RAB3GAP2: variants seen among roughly 807,000 people sequenced by gnomAD.
The protein encoded by RAB3GAP2 is rab3 GTPase-activating protein non-catalytic subunit.
In RAB3GAP2, 87 loss-of-function variants were observed where a neutral mutation model predicts 185.3. That is an observed-to-expected ratio of 0.47 (90% CI 0.39 to 0.56). The LOEUF is 0.56. Among genes scored for constraint, RAB3GAP2 ranks in the 20% least tolerant of loss-of-function variants. The pLI is 0.00. For missense variants in RAB3GAP2, 1,492 were observed against 1,638.2 expected (o/e 0.91, Z 1.54); for synonymous variants, 554 against 576.1 (o/e 0.96, Z 0.55).
intron 31 of RAB3GAP2, 103 bp from the exon 32 acceptor site, chr1:220,154,160 A>G: frequency 6.7e-7 from 1 of 1,488,772 alleles, no homozygotes; most frequent in South Asian, 1.2e-5. Flanking sequence ...GTTGATTTTT[A>G]TTTCTCCTTG....
At chr1:220,272,050 G>A (rs1255700257) in intron 1 of RAB3GAP2, among the ~76,000 whole-genome samples, 173 bp downstream of exon 1, 1 of 151,792 alleles carries the variant, frequency 6.6e-6, no homozygotes, top group Non-Finnish European at 1.5e-5. Context: ...AACACAAATG[G>A]GGCTTCAGGA....
chr1:220,168,350 C>A (rs141575007), intron 24 of RAB3GAP2, among the ~76,000 whole-genome samples: 1 of 151,912 alleles, frequency 6.6e-6, no homozygotes, highest in South Asian at 2.1e-4. Context: ...CCTCAGCCCC[C>A]CAAAGTGCTA....
intron 4 of RAB3GAP2, 69 bp downstream of exon 4, chr1:220,212,818 C>T: frequency 7.9e-7 from 1 of 1,265,142 alleles, no homozygotes; most frequent in Non-Finnish European, 1.2e-6. Context: ...TTAATAGATT[C>T]ACCTACAAGT....
At chr1:220,259,976 CAT>C (rs1159023318) in intron 1 of RAB3GAP2, among the ~76,000 whole-genome samples, 6 of 152,124 alleles carry the variant, frequency 3.9e-5, no homozygotes, top group African/African-American at 1.4e-4. Context: ...AGCCAAAAAA[CAT>C]ATTGAAAAAA....
chr1:220,155,219 T>A (rs2102850852), intron 31 of RAB3GAP2, among the ~76,000 whole-genome samples: 1 of 152,328 alleles, frequency 6.6e-6, no homozygotes, highest in South Asian at 2.1e-4. Flanking sequence ...GCTCACCACT[T>A]CCATCCAGGT....
At chr1:220,256,626 T>A (rs1327993383) in intron 1 of RAB3GAP2, among the ~76,000 whole-genome samples, 1 of 152,210 alleles carries the variant, frequency 6.6e-6, no homozygotes, top group African/African-American at 2.4e-5. Context: ...AAACAGACTT[T>A]ATGCCAACAA....
chr1:220,261,079 G>A (rs1326930315), intron 1 of RAB3GAP2, among the ~76,000 whole-genome samples: 1 of 150,524 alleles, frequency 6.6e-6, no homozygotes, highest in Non-Finnish European at 1.5e-5. Context: ...TTAAAAAAAA[G>A]GGGGGGCAAT....
At chr1:220,216,349 T>C (rs1659201724) in intron 2 of RAB3GAP2, among the ~76,000 whole-genome samples, 1 of 152,230 alleles carries the variant, frequency 6.6e-6, no homozygotes, top group African/African-American at 2.4e-5. Context: ...ATTAGAAAAT[T>C]ATCCCCCAAA....
At chr1:220,253,632 T>C in intron 1 of RAB3GAP2, 3 of 1,582,184 alleles carry the variant, frequency 1.9e-6, no homozygotes, top group South Asian at 1.1e-5. Context: ...TGTGCTTTCA[T>C]GGGCCTCTTC....
chr1:220,173,998 C>T (rs7411756), intron 21 of RAB3GAP2, among the ~76,000 whole-genome samples: 6 of 136,606 alleles, frequency 4.4e-5, no homozygotes, highest in African/African-American at 1.7e-4. Context: ...CTGGCCTGGG[C>T]TACAGAGCGA....
chr1:220,187,741 T>C (rs1012696922), intron 17 of RAB3GAP2, among the ~76,000 whole-genome samples: 6 of 152,012 alleles, frequency 3.9e-5, no homozygotes, highest in Non-Finnish European at 8.8e-5. Flanking sequence ...TATGATTTAC[T>C]CTATGCACCT....
chr1:220,189,846 T>C (rs1658580370), intron 16 of RAB3GAP2, 79 bp from the exon 17 acceptor site: 1 of 1,243,762 alleles, frequency 8.0e-7, no homozygotes, highest in Non-Finnish European at 1.1e-6. Flanking sequence ...AATGAACATA[T>C]CTGTACTATC....
intron 1 of RAB3GAP2, among the ~76,000 whole-genome samples, chr1:220,269,014 G>A (rs1660284368): frequency 6.6e-6 from 1 of 152,156 alleles, no homozygotes; most frequent in Non-Finnish European, 1.5e-5. Context: ...TGTGCCTAGA[G>A]GTTACCATAC....
chr1:220,149,314 C>T lies in RAB3GAP2; in HGVS notation c.*1937G>A, dbSNP rs1411013127. 1 of 152,144 alleles carries T rather than the reference C, an allele frequency of 6.6e-6. No homozygotes were observed. Among genetic ancestry groups the T allele is most frequent in the Non-Finnish European group, 1.5e-5 (1 of 68,024 alleles). 9.4% of individuals were successfully genotyped at this position (152,144 alleles called of 1,614,324 possible). ...TAGGATTCTGTGAGCCATACTTCAG[C>T]TTATTATTGTTCTCAGCAATCCCCA... On this transcript the variant is annotated 3_prime_UTR_variant, in exon 35 of 35. Coordinates refer to ENST00000358951, the MANE Select transcript of RAB3GAP2 (RefSeq NM_012414.4).
chr1:220,212,582 C>T (rs564927686), intron 4 of RAB3GAP2, among the ~76,000 whole-genome samples: 51 of 152,166 alleles, frequency 3.4e-4, no homozygotes, highest in Admixed American at 5.9e-4. Flanking sequence ...CAGCCTCAAA[C>T]TCCTGGGTTC....
intron 1 of RAB3GAP2, 73 bp downstream of exon 1, chr1:220,272,150 T>G: frequency 7.9e-7 from 1 of 1,264,398 alleles, no homozygotes; most frequent in Non-Finnish European, 1.1e-6. Flanking sequence ...GCAGAGCGAG[T>G]AGGAGACTCG....
In RAB3GAP2 at chr1:220,196,403, T is replaced by TA. The variant is rs35396665; in HGVS notation, c.812-6dup. ...AGGGGGACAGAGTCATAATACCTAATAAAAAAAAAAAAGTGATTTGAATGT... is the reference window on the plus strand; with the variant it reads ...AGGGGGACAGAGTCATAATACCTAATAAAAAAAAAAAAAGTGATTTGAATGT... On this transcript the variant is annotated splice_polypyrimidine_tract_variant and splice_region_variant and intron_variant, in intron 9 of 34. Coordinates refer to ENST00000358951, the MANE Select transcript of RAB3GAP2 (RefSeq NM_012414.4). The TA allele has an allele frequency of 0.04, 47,225 of 1,175,140 alleles. No homozygotes were observed. Among genetic ancestry groups the TA allele is most frequent in the Non-Finnish European group, 0.044 (37,298 of 844,396 alleles). The allele number at this position is 1,175,140 out of a possible 1,614,324, so 72.8% of individuals were successfully genotyped here.
At chr1:220,240,744 C>G (rs548418752) in intron 1 of RAB3GAP2, among the ~76,000 whole-genome samples, 9 of 152,160 alleles carry the variant, frequency 5.9e-5, no homozygotes, top group African/African-American at 2.2e-4. Flanking sequence ...GATTAGTAAC[C>G]TGACTTTTCA....
rs1001804770 is a variant in RAB3GAP2, at chr1:220,189,735, G to T, written c.1747C>A (p.Leu583Ile). The stretch of plus-strand genomic sequence containing the variant: ...TTGGTTGCAGGGTATTTAATATCAA[G>T]AATTAATTCCTTTATTTCTGTTTCA... ...LVETEIKELI[L>I]DIKYPATKKQ... is the part of the protein sequence containing the mutation. Residue 583 changes from leucine (L) to isoleucine (I), a missense_variant, in exon 17 of 35, where the codon CTT becomes ATT. Physicochemically the swap from Leu to Ile is conservative, Grantham distance 5. Around this residue, in one of 5 missense-constraint regions of RAB3GAP2, gnomAD observed 681 missense variants for 689.1 expected, o/e 0.99. Transcript: ENST00000358951. The T allele has an allele frequency of 2.6e-6, 4 of 1,544,314 alleles. No individual in the cohort carries two copies. The highest frequency in any genetic ancestry group is 3.5e-6 in the Non-Finnish European group (4 of 1,130,122).
Sources: gnomAD v4.1 joint callset for allele counts (sites outside exome capture counted in the v4.1 genomes callset) on GRCh38, gnomAD v4.1.1 for gene constraint, gnomAD v4.1.1 regional missense constraint, MANE v1.5 for transcripts, NCBI Gene and HGNC (gene_info 2026-07-23, HGNC 2026-07-21) for gene names.